Variants in WWTR1 observed in about 807,000 individuals in gnomAD.
WWTR1 encodes the protein WW domain containing transcription regulator 1.
A neutral mutation model predicts 40.1 loss-of-function variants in WWTR1; 13 were observed. The ratio of observed to expected loss-of-function variants is 0.32; its 90% CI spans 0.21 to 0.52. WWTR1 has a LOEUF of 0.52. Ranked by LOEUF, WWTR1 falls within the 20% of genes least tolerant of loss-of-function variation. The probability of loss-of-function intolerance (pLI) is 0.97; values close to 1 mark genes in which losing one functional copy is unlikely to be tolerated. For synonymous variants in WWTR1, 230 were observed against 210.1 expected, an observed-to-expected ratio of 1.09 and a Z score of -0.82; for missense variants, 436 against 523.1, an observed-to-expected ratio of 0.83 and a Z score of 1.63.
At chr3:149,628,522 G>A (rs1231827001) in intron 2 of WWTR1, among the ~76,000 whole-genome samples, 3 of 152,188 alleles carry the variant, frequency 2.0e-5, no homozygotes, top group Non-Finnish European at 4.4e-5. Context: ...TTATTGCTTT[G>A]TATGACAGGC....
chr3:149,595,798 C>T (rs1195866842), intron 2 of WWTR1, among the ~76,000 whole-genome samples: 3 of 152,068 alleles, frequency 2.0e-5, no homozygotes, highest in Admixed American at 6.6e-5. Context: ...TTTGGGAGGC[C>T]GAGGCAGGTG....
At chr3:149,572,292 GA>G (rs952080908) in intron 3 of WWTR1, among the ~76,000 whole-genome samples, 4 of 149,778 alleles carry the variant, frequency 2.7e-5, no homozygotes, top group South Asian at 2.1e-4. Flanking sequence ...CAGCAATTAT[GA>G]AAAAAAAAGG....
At chr3:149,624,898 T>A (rs1740473831) in intron 2 of WWTR1, among the ~76,000 whole-genome samples, 1 of 151,358 alleles carries the variant, frequency 6.6e-6, no homozygotes, top group African/African-American at 2.4e-5. Context: ...TATTTATTTA[T>A]TTTTTTATTT....
At chr3:149,641,863 C>T (rs1441193684) in intron 2 of WWTR1, among the ~76,000 whole-genome samples, 1 of 152,218 alleles carries the variant, frequency 6.6e-6, no homozygotes, top group Non-Finnish European at 1.5e-5. Context: ...TGCTTGAGAA[C>T]ACAGCTTTCC....
chr3:149,644,233 G>A (rs1712354522), intron 2 of WWTR1, among the ~76,000 whole-genome samples: 2 of 152,080 alleles, frequency 1.3e-5, no homozygotes, highest in South Asian at 2.1e-4. Context: ...ACCAAATCCT[G>A]TCAAATTTAC....
At chr3:149,647,098 G>C (rs989600502) in intron 2 of WWTR1, among the ~76,000 whole-genome samples, 2 of 152,058 alleles carry the variant, frequency 1.3e-5, no homozygotes, top group Non-Finnish European at 2.9e-5. Context: ...GTGTTGTGTT[G>C]ACATGGTCTA....
At chr3:149,588,088 G>A (rs1738512789) in intron 2 of WWTR1, among the ~76,000 whole-genome samples, 2 of 152,210 alleles carry the variant, frequency 1.3e-5, no homozygotes, top group South Asian at 4.1e-4. Context: ...CTTTTTAGGT[G>A]CTAAGTATTG....
intron 2 of WWTR1, among the ~76,000 whole-genome samples, chr3:149,585,954 A>T (rs1283529136): frequency 6.6e-6 from 1 of 152,236 alleles, no homozygotes; most frequent in Admixed American, 6.5e-5. Flanking sequence ...GATTTAGCCT[A>T]AAAAATGCTG....
chr3:149,668,626 C>T (rs1297969474), intron 2 of WWTR1, among the ~76,000 whole-genome samples: 1 of 85,046 alleles, frequency 1.2e-5, no homozygotes, highest in African/African-American at 4.0e-5. Flanking sequence ...CAACAAAAAA[C>T]TGAGTCTTCA....
chr3:149,602,772 C>T (rs1027260018), intron 2 of WWTR1, among the ~76,000 whole-genome samples: 1 of 152,138 alleles, frequency 6.6e-6, no homozygotes, highest in African/African-American at 2.4e-5. Flanking sequence ...TCAAGAGATT[C>T]TCCTGCCTCA....
At chr3:149,548,402 G>A (rs112406897) in intron 3 of WWTR1, among the ~76,000 whole-genome samples, 100 of 152,326 alleles carry the variant, frequency 6.6e-4, no homozygotes, top group African/African-American at 2.3e-3. Context: ...TTTCACAAAC[G>A]TCTTTTTGGC....
intron 2 of WWTR1, among the ~76,000 whole-genome samples, chr3:149,608,486 A>G (rs1299836043): frequency 6.6e-6 from 1 of 151,970 alleles, no homozygotes; most frequent in African/African-American, 2.4e-5. Context: ...CCTGGGTTCA[A>G]GCCATTTTCC....
intron 3 of WWTR1, among the ~76,000 whole-genome samples, chr3:149,546,666 A>G (rs1017236731): frequency 6.6e-6 from 1 of 152,238 alleles, no homozygotes; most frequent in Admixed American, 6.5e-5. Flanking sequence ...TTAATGTAAA[A>G]CATAAGTGAA....
Position 149,584,177 on chromosome 3 carries a change from C to T in WWTR1, c.432-11177G>A, listed in dbSNP as rs76198672. ...AAGCCACTCCAAATGTGAAATATGT[C>T]GAAGCTAAAGCTGCACTGCCCTCCT... On this transcript the variant is annotated intron_variant, in intron 2 of 6. Transcript: ENST00000360632. 1.6e-4 allele frequency among the ~76,000 whole-genome samples: 25 copies of T among 152,310 alleles called. No homozygotes were observed. In the East Asian group the frequency reaches 4.2e-3, roughly 26 times the overall value.
chr3:149,546,871 T>G (rs886706066), intron 3 of WWTR1, among the ~76,000 whole-genome samples: 1 of 152,118 alleles, frequency 6.6e-6, no homozygotes, highest in African/African-American at 2.4e-5. Context: ...AAACCAAAAC[T>G]CAGAGAAAGT....
At chr3:149,619,189 A>G (rs898116414) in intron 2 of WWTR1, among the ~76,000 whole-genome samples, 1 of 152,192 alleles carries the variant, frequency 6.6e-6, no homozygotes, top group Non-Finnish European at 1.5e-5. Context: ...GGCAGGGAGT[A>G]TGGACACTCC....
chr3:149,655,203 A>AT (rs1233303936), intron 2 of WWTR1, among the ~76,000 whole-genome samples: 39 of 149,942 alleles, frequency 2.6e-4, no homozygotes, highest in Non-Finnish European at 8.9e-5. Flanking sequence ...CCAGCACTTT[A>AT]GGAGGCCGAG....
chr3:149,535,649 T>C (rs998450164), intron 4 of WWTR1, among the ~76,000 whole-genome samples: 2 of 152,058 alleles, frequency 1.3e-5, no homozygotes, highest in Non-Finnish European at 2.9e-5. Flanking sequence ...CTGGTTTCTG[T>C]TGTCCTTTCA....
chr3:149,687,192 T>G (rs1293363807), intron 1 of WWTR1, among the ~76,000 whole-genome samples: 1 of 152,182 alleles, frequency 6.6e-6, no homozygotes, highest in African/African-American at 2.4e-5. Flanking sequence ...CTACTTCAAC[T>G]GCAATTTTAG....
Sources: gnomAD v4.1 joint callset for allele counts (sites outside exome capture counted in the v4.1 genomes callset) on GRCh38, gnomAD v4.1.1 for gene constraint, MANE v1.5 for transcripts, NCBI Gene and HGNC (gene_info 2026-07-23, HGNC 2026-07-21) for gene names.